Variants in RAP1A observed in about 807,000 individuals in gnomAD.
The protein encoded by RAP1A is ras-related protein Rap-1A.
Under a neutral mutation model 26.4 loss-of-function variants are expected in RAP1A, and 6 were observed. The ratio of observed to expected loss-of-function variants is 0.23; its 90% confidence interval spans 0.12 to 0.45. RAP1A has a LOEUF of 0.45. Among genes scored for constraint, RAP1A ranks in the 20% least tolerant of loss-of-function variants. RAP1A has a pLI of 0.99. For synonymous variants in RAP1A, 73 were observed against 79.4 expected, an observed-to-expected ratio of 0.92 and a Z score of 0.43; for missense variants, 121 against 217.2, an observed-to-expected ratio of 0.56 and a Z score of 2.78.
At chr1:111,558,348 T>C (rs886480313) in intron 1 of RAP1A, among the ~76,000 whole-genome samples, 1 of 102,946 alleles carries the variant, frequency 9.7e-6, no homozygotes, top group Non-Finnish European at 1.9e-5. Context: ...CAGCTAATTT[T>C]TCTATTTTTT....
chr1:111,596,791 C>T (rs779337224), intron 1 of RAP1A, among the ~76,000 whole-genome samples: 2 of 152,208 alleles, frequency 1.3e-5, no homozygotes, highest in Non-Finnish European at 2.9e-5. Flanking sequence ...CTTTTTATAA[C>T]AGCATAGCAC....
At chr1:111,548,690 C>A (rs1657131927) in intron 1 of RAP1A, among the ~76,000 whole-genome samples, 2 of 152,164 alleles carry the variant, frequency 1.3e-5, no homozygotes, top group Non-Finnish European at 2.9e-5. Context: ...GATGGTCTGC[C>A]ACCGTAGGCT....
chr1:111,619,086 G>C (rs939045011), upstream of RAP1A, among the ~76,000 whole-genome samples: 3 of 152,116 alleles, frequency 2.0e-5, no homozygotes, highest in Non-Finnish European at 2.9e-5. Flanking sequence ...TACTGCTCTC[G>C]GGCTGGCTGA....
intron 1 of RAP1A, among the ~76,000 whole-genome samples, chr1:111,607,821 A>AC (rs1156862172): frequency 9.2e-5 from 7 of 76,050 alleles, no homozygotes; most frequent in Admixed American, 3.1e-4. Context: ...CGGGGGGCTG[A>AC]CCCCCCCACC....
intron 1 of RAP1A, among the ~76,000 whole-genome samples, chr1:111,671,656 G>A (rs1417154525): frequency 1.3e-5 from 2 of 152,078 alleles, no homozygotes; most frequent in Non-Finnish European, 2.9e-5. Context: ...TGTATTTTCA[G>A]TAGAGACAGG....
intron 1 of RAP1A, among the ~76,000 whole-genome samples, chr1:111,561,814 C>G (rs965315394): frequency 6.6e-6 from 1 of 152,000 alleles, no homozygotes; most frequent in African/African-American, 2.4e-5. Flanking sequence ...AGAAGTATGT[C>G]TGAATTTAAT....
In RAP1A at chr1:111,700,065, C is replaced by CT. The variant is rs541714599; in HGVS notation, c.183+2571dup. On this transcript the variant is annotated intron_variant, in intron 4 of 7. Coordinates refer to ENST00000369709, the MANE Select transcript of RAP1A (RefSeq NM_002884.4). ...TCCTAAGTCTCCTTTCCTAATTCCT[C>CT]TTTATCTCCCCTACCTCTTAATGTT... Among the ~76,000 whole-genome samples, 123 of 152,282 alleles carry CT rather than the reference C, an allele frequency of 8.1e-4. No individual in the cohort carries two copies. The Middle Eastern group carries it at 0.01, about 13-fold the overall frequency.
intron 1 of RAP1A, among the ~76,000 whole-genome samples, chr1:111,570,107 C>A (rs1658017037): frequency 6.6e-6 from 1 of 152,130 alleles, no homozygotes; most frequent in Admixed American, 6.5e-5. Context: ...GGCATGAGAT[C>A]TCAAATGCCC....
intron 7 of RAP1A, 29 bp from the exon 8 acceptor site, chr1:111,712,402 T>C (rs1445958769): frequency 6.6e-6 from 1 of 152,548 alleles, no homozygotes; most frequent in Admixed American, 6.5e-5. Flanking sequence ...TAACCATACA[T>C]ATATGTATAT....
chr1:111,650,093 C>CTTTTT (rs57681662), intron 1 of RAP1A, among the ~76,000 whole-genome samples: 27 of 75,856 alleles, frequency 3.6e-4, no homozygotes, highest in East Asian at 1.0e-3. Flanking sequence ...TGGTAGAGTG[C>CTTTTT]TTTTTTTTTT....
chr1:111,713,909 TAAG>T lies in RAP1A; in HGVS notation c.*1509_*1511del, dbSNP rs1391803854. ...AACCCTGTGCCTTGTCCTCAAATAT[TAAG>T]GAGGAGACAGACCAGTCCTAGAAAG... On this transcript the variant is annotated 3_prime_UTR_variant, in exon 8 of 8. Coordinates refer to ENST00000369709, the MANE Select transcript of RAP1A (RefSeq NM_002884.4). 2 of 152,114 alleles carry T rather than the reference TAAG, an allele frequency of 1.3e-5. No homozygotes were observed. Among genetic ancestry groups the T allele is most frequent in the African/African-American group, 2.4e-5 (1 of 41,430 alleles). 9.4% of individuals were successfully genotyped at this position (152,114 alleles called of 1,614,324 possible).
At chr1:111,650,824 C>A (rs1660243936) in intron 1 of RAP1A, among the ~76,000 whole-genome samples, 1 of 151,714 alleles carries the variant, frequency 6.6e-6, no homozygotes, top group Non-Finnish European at 1.5e-5. Flanking sequence ...GAGACAGAGT[C>A]TTGCTCTGTC....
intron 1 of RAP1A, among the ~76,000 whole-genome samples, chr1:111,650,903 A>G (rs1228480009): frequency 1.3e-5 from 2 of 151,640 alleles, no homozygotes; most frequent in African/African-American, 4.8e-5. Flanking sequence ...CCAGGTTCAC[A>G]CCATTCTCCT....
At chr1:111,576,256 G>A (rs1296446820) in intron 1 of RAP1A, among the ~76,000 whole-genome samples, 1 of 152,224 alleles carries the variant, frequency 6.6e-6, no homozygotes, top group Non-Finnish European at 1.5e-5. Context: ...TGAAGAAATA[G>A]GTTGCTGAGT....
At chr1:111,553,941 G>C (rs1433317004) in intron 1 of RAP1A, among the ~76,000 whole-genome samples, 1 of 152,176 alleles carries the variant, frequency 6.6e-6, no homozygotes. Flanking sequence ...TTTTCTAGTG[G>C]TTCCATATGG....
chr1:111,705,741 A>C (rs554879877), intron 6 of RAP1A, among the ~76,000 whole-genome samples: 14 of 152,346 alleles, frequency 9.2e-5, no homozygotes, highest in African/African-American at 3.4e-4. Context: ...TTCAGCAATA[A>C]TTAAAGAAAA....
chr1:111,684,311 G>A (rs897246031), intron 1 of RAP1A, among the ~76,000 whole-genome samples: 4 of 152,094 alleles, frequency 2.6e-5, no homozygotes, highest in Non-Finnish European at 5.9e-5. Context: ...AGTCAGGCAA[G>A]AAAAAGAAAT....
intron 1 of RAP1A, 105 bp downstream of exon 1, chr1:111,620,039 T>TC (rs1659138431): frequency 2.5e-6 from 1 of 393,574 alleles, no homozygotes; most frequent in Non-Finnish European, 4.5e-6. Flanking sequence ...GTCGCCTGGC[T>TC]CCCCCTTCCT....
chr1:111,599,049 G>A (rs1479217042), intron 1 of RAP1A, among the ~76,000 whole-genome samples: 1 of 152,156 alleles, frequency 6.6e-6, no homozygotes, highest in Non-Finnish European at 1.5e-5. Flanking sequence ...GGTGAAAAAG[G>A]GGCACAGAGC....
Sources: gnomAD v4.1 joint callset for allele counts (sites outside exome capture counted in the v4.1 genomes callset) on GRCh38, gnomAD v4.1.1 for gene constraint, MANE v1.5 for transcripts, NCBI Gene and HGNC (gene_info 2026-07-23, HGNC 2026-07-21) for gene names.